EPHA5: variants seen among roughly 807,000 people sequenced by gnomAD.
EPHA5 encodes the protein ephrin type-A receptor 5.
Under a neutral mutation model 105.0 loss-of-function variants are expected in EPHA5, and 60 were observed. The observed-to-expected ratio is 0.57, with a 90% CI of 0.46 to 0.71. The LOEUF (loss-of-function observed/expected upper bound fraction) is 0.71. Among genes scored for constraint, EPHA5 ranks in the 30% least tolerant of loss-of-function variants. The pLI is 0.00. For missense variants in EPHA5, 1,218 were observed against 1,274.7 expected (o/e 0.96, Z 0.68); for synonymous variants, 513 against 449.1 (o/e 1.14, Z -1.80).
intron 5 of EPHA5, among the ~76,000 whole-genome samples, chr4:65,455,834 C>T (rs1727528924): frequency 6.6e-6 from 1 of 152,130 alleles, no homozygotes; most frequent in African/African-American, 2.4e-5. Flanking sequence ...ATGCCCTGAA[C>T]ACATAGGATC....
chr4:65,367,307 ATAAAGTGTCCCC>A, intron 9 of EPHA5, 38 bp downstream of exon 9: 2 of 1,461,984 alleles, frequency 1.4e-6, no homozygotes, highest in Non-Finnish European at 1.9e-6. Flanking sequence ...TTAAATAACA[ATAAAGTGTCCCC>A]TATTTTATTC....
intron 2 of EPHA5, among the ~76,000 whole-genome samples, chr4:65,634,329 A>G (rs193093544): frequency 1.8e-4 from 27 of 152,256 alleles, no homozygotes; most frequent in Non-Finnish European, 3.1e-4. Context: ...GTATATCTCA[A>G]TCGTACTATG....
Position 65,324,189 on chromosome 4 carries a change from G to T in EPHA5, c.2976C>A (p.Val992=), listed in dbSNP as rs756045103. The change falls in exon 17 of 17, where the codon GTC becomes GTA. Residue 992 remains valine, a synonymous_variant. Transcript: ENST00000613740. ...EDLRRLGVTL[V]GHQKKIMNSL... ...TGTTCATGATCTTCTTCTGGTGACC[G>T]ACAAGAGTCACTCCAAGCCGTCTCA... is the stretch of plus-strand genomic sequence containing the variant. 13 of 1,609,054 alleles carry T rather than the reference G, an allele frequency of 8.1e-6. No individual in the cohort carries two copies. The highest frequency in any genetic ancestry group is 1.7e-4 in the Middle Eastern group (1 of 6,022).
chr4:65,666,775 A>C (rs1031030259), intron 1 of EPHA5, among the ~76,000 whole-genome samples: 3 of 152,188 alleles, frequency 2.0e-5, no homozygotes, highest in African/African-American at 7.2e-5. Context: ...GCTATCCAAC[A>C]TATTCAAACA....
At chr4:65,392,489 A>G (rs562379300) in intron 8 of EPHA5, among the ~76,000 whole-genome samples, 11 of 152,232 alleles carry the variant, frequency 7.2e-5, no homozygotes, top group Non-Finnish European at 1.5e-4. Flanking sequence ...GAAACTATAC[A>G]AGCCTAATCA....
At chr4:65,347,039 T>C (rs961342133) in intron 14 of EPHA5, among the ~76,000 whole-genome samples, 12 of 152,148 alleles carry the variant, frequency 7.9e-5, no homozygotes, top group Admixed American at 7.9e-4. Flanking sequence ...CTCGAATTTT[T>C]AGATTGGAAA....
rs536657985 is a variant in EPHA5 at position 65,542,806 on chromosome 4, T to C, written c.911-47263A>G. On this transcript the variant is annotated intron_variant, in intron 3 of 16. Transcript: ENST00000613740. Reference sequence around the variant, plus strand: ...TTCAGTCCAACATCCCTGATGAACATTGATATGAAAATCCTCAATAAAATA... The same window carrying C: ...TTCAGTCCAACATCCCTGATGAACACTGATATGAAAATCCTCAATAAAATA... 2.8e-4 allele frequency among the ~76,000 whole-genome samples: 43 copies of C among 151,542 alleles called. No homozygotes were observed. The South Asian group carries it at 5.0e-3, about 18-fold the overall frequency.
rs2148855754 is a variant in EPHA5, at chr4:65,351,569, C to A, written c.2265G>T (p.Gln755His). ...KKNDGQFTVI[Q>H]LVGMLRGISA... ...AGATACCTCTCAGCATGCCAACAAG[C>A]TGAATCACAGTGAACTGCCCATCGT... The change falls in exon 13 of 17, where the codon CAG (glutamine) becomes CAT (histidine). Residue 755 changes from glutamine (Q) to histidine (H), a missense_variant. Coordinates refer to ENST00000613740, the MANE Select transcript of EPHA5 (RefSeq NM_001281766.3). 6.2e-7 allele frequency: 1 copy of A among 1,613,566 alleles called. No individual in the cohort carries two copies. Among genetic ancestry groups the A allele is most frequent in the Non-Finnish European group, 8.5e-7 (1 of 1,179,726 alleles).
rs10008017 is a variant in EPHA5, at chr4:65,650,236, C to A, written c.182-6809G>T. On this transcript the variant is annotated intron_variant, in intron 1 of 16. Coordinates refer to ENST00000613740, the MANE Select transcript of EPHA5 (RefSeq NM_001281766.3). Reference sequence around the variant, plus strand: ...TGTGCTCCCATGTTCCCTAGTTCAACGAGTGCAATGCCATATAACTAGTTG... The same window carrying A: ...TGTGCTCCCATGTTCCCTAGTTCAAAGAGTGCAATGCCATATAACTAGTTG... Among the ~76,000 whole-genome samples the A allele has an allele frequency of 2.0e-5, 3 of 152,016 alleles. No individual in the cohort carries two copies. The East Asian group carries it at 5.8e-4, about 29-fold the overall frequency.
chr4:65,495,616 ATT>A, intron 3 of EPHA5, 73 bp from the exon 4 acceptor site: 1 of 1,330,252 alleles, frequency 7.5e-7, no homozygotes, highest in Non-Finnish European at 1.0e-6. Context: ...TAATGTCATT[ATT>A]TTGACTTGTA....
intron 3 of EPHA5, among the ~76,000 whole-genome samples, chr4:65,537,537 A>C (rs1249116173): frequency 6.6e-6 from 1 of 151,814 alleles, no homozygotes; most frequent in Non-Finnish European, 1.5e-5. Context: ...AGTTTAATAT[A>C]GGCTCAATAT....
chr4:65,456,566 G>A (rs959704215), intron 5 of EPHA5, among the ~76,000 whole-genome samples: 1 of 152,112 alleles, frequency 6.6e-6, no homozygotes, highest in Non-Finnish European at 1.5e-5. Context: ...TATGATAGGA[G>A]TGCTTGAAGG....
intron 3 of EPHA5, among the ~76,000 whole-genome samples, chr4:65,579,466 T>A (rs1043729926): frequency 6.6e-6 from 1 of 150,746 alleles, no homozygotes; most frequent in Admixed American, 6.6e-5. Context: ...TAATGTGAGA[T>A]GCCTGAATAT....
In EPHA5 at chr4:65,490,551, C is replaced by T. The variant is rs200754741; in HGVS notation, c.1228G>A (p.Gly410Ser). ...SHAGVCEECG[G>S]HVRYLPRQSG... ...TGCCGGGGAAGGTACCTGACATGACCGCCACACTCCTCACACACACCTGCA... is the reference window on the plus strand; with the variant it reads ...TGCCGGGGAAGGTACCTGACATGACTGCCACACTCCTCACACACACCTGCA... The change falls in exon 5 of 17, where the codon GGT becomes AGT. Residue 410 changes from glycine (G) to serine (S), a missense_variant. This residue lies in a region of EPHA5 where 971 missense variants were observed against 1,013.5 expected (regional missense o/e 0.96). Transcript: ENST00000613740. 5.2e-5 allele frequency: 84 copies of T among 1,614,012 alleles called. No homozygotes were observed. The highest frequency in any genetic ancestry group is 4.0e-4 in the Admixed American group (24 of 59,990).
Position 65,669,792 on chromosome 4 carries a change from G to T in EPHA5, c.-50C>A. The T allele has an allele frequency of 5.7e-6, 7 of 1,236,048 alleles. No homozygotes were observed. The South Asian group carries it at 1.6e-4, about 28-fold the overall frequency. The allele number at this position is 1,236,048 out of a possible 1,614,324, so 76.6% of individuals were successfully genotyped here. On this transcript the variant is annotated 5_prime_UTR_variant, in exon 1 of 17. Transcript: ENST00000613740. ...GCTGTCCCGAGCGGCTCAGTCCACC[G>T]CTTCGGCCTCGCAGAGCGGCGAAGG...
At chr4:65,386,941 T>C (rs1464526123) in intron 8 of EPHA5, among the ~76,000 whole-genome samples, 2 of 151,628 alleles carry the variant, frequency 1.3e-5, no homozygotes, top group Non-Finnish European at 2.9e-5. Flanking sequence ...GCCAAATTTG[T>C]AACCTGCAAT....
intron 2 of EPHA5, among the ~76,000 whole-genome samples, chr4:65,607,467 T>TACAA (rs1352833137): frequency 7.6e-6 from 1 of 130,986 alleles, no homozygotes; most frequent in Admixed American, 8.6e-5. Flanking sequence ...CCCCAAAAAA[T>TACAA]ACAAAAACAA....
intron 5 of EPHA5, among the ~76,000 whole-genome samples, chr4:65,462,191 C>A (rs915227685): frequency 2.6e-5 from 4 of 152,114 alleles, no homozygotes; most frequent in Admixed American, 6.6e-5. Context: ...AAGCCAAATT[C>A]TTTAGGTTCA....
At chr4:65,458,434 A>G (rs567898518) in intron 5 of EPHA5, among the ~76,000 whole-genome samples, 1 of 152,270 alleles carries the variant, frequency 6.6e-6, no homozygotes, top group Admixed American at 6.5e-5. Context: ...ATATGTTTCC[A>G]TAACTCAACA....
Sources: allele counts gnomAD v4.1 joint callset (sites outside exome capture counted in the v4.1 genomes callset), GRCh38; gene constraint gnomAD v4.1.1; regional missense constraint gnomAD v4.1.1; transcripts MANE v1.5; gene names NCBI Gene and HGNC (gene_info 2026-07-23, HGNC 2026-07-21).